Variants in CELSR3 observed in about 807,000 individuals in gnomAD.
CELSR3 encodes the protein EGF-like protein 1.
A neutral mutation model predicts 270.0 loss-of-function variants in CELSR3; 73 were observed. The observed-to-expected ratio is 0.27, with a 90% confidence interval of 0.22 to 0.33. The LOEUF (loss-of-function observed/expected upper bound fraction) is 0.33, where lower values mean the gene tolerates loss of function less well. Among genes scored for constraint, CELSR3 ranks in the 10% least tolerant of loss-of-function variants. CELSR3 has a pLI of 1.00. For missense variants in CELSR3, 3,614 were observed against 4,533.8 expected (o/e 0.80, Z 5.83); for synonymous variants, 1,780 against 1,905.4 (o/e 0.93, Z 1.71).
rs777825174 is a variant in CELSR3, at chr3:48,640,557, T to C, written c.9028A>G (p.Ile3010Val). ...LGRAQRQRKG[I>V]LKNRLQYPLV... ...GGGTATTGCAACCGGTTCTTCAGGA[T>C]GCCTGTGAGAGGAAGAAAATGGGGG... The change falls in exon 34 of 35, where the codon ATC becomes GTC. Residue 3010 changes from isoleucine to valine, a missense_variant and splice_region_variant. Physicochemically the swap from Ile to Val is conservative, Grantham distance 29. Coordinates refer to ENST00000164024, the MANE Select transcript of CELSR3 (RefSeq NM_001407.3). The surrounding 1 kb of genome is among the most constrained non-coding windows in gnomAD (Gnocchi z 7.5). The C allele has an allele frequency of 6.4e-7, 1 of 1,555,612 alleles. No individual in the cohort carries two copies. The highest frequency in any genetic ancestry group is 1.2e-5 in the South Asian group (1 of 86,016).
chr3:48,645,980 G>A lies in CELSR3; in HGVS notation c.7463+110C>T. ...GGAGTTGGGGTACAGCATTCCTCAT[G>A]GTCCGGGTTGCACAACAGCACTAGT... On this transcript the variant is annotated intron_variant, in intron 22 of 34. Coordinates refer to ENST00000164024, the MANE Select transcript of CELSR3 (RefSeq NM_001407.3). The surrounding 1 kb of genome is among the most constrained non-coding windows in gnomAD (Gnocchi z 5.4). 6.4e-7 allele frequency: 1 copy of A among 1,571,782 alleles called. No homozygotes were observed. Among genetic ancestry groups the A allele is most frequent in the Non-Finnish European group, 8.7e-7 (1 of 1,153,758 alleles).
rs1360671106 is a variant in CELSR3 at position 48,654,154 on chromosome 3, G to A, written c.5152+135C>T. 1.3e-6 allele frequency: 2 copies of A among 1,492,672 alleles called. No homozygotes were observed. Among genetic ancestry groups the A allele is most frequent in the African/African-American group, 2.8e-5 (2 of 71,468 alleles). The allele number at this position is 1,492,672 out of a possible 1,614,324, so 92.5% of individuals were successfully genotyped here. ...CGATGAGTGGGGTTGGTAAGAGTCAGGCCCTAAAATCTGGGCTGTAGCATG... is the reference window on the plus strand; with the variant it reads ...CGATGAGTGGGGTTGGTAAGAGTCAAGCCCTAAAATCTGGGCTGTAGCATG... On this transcript the variant is annotated intron_variant, in intron 7 of 34. Transcript: ENST00000164024. This position sits in a 1 kb window ranked among gnomAD's most constrained non-coding sequence, Gnocchi z 5.4.
At chr3:48,649,078 A>C (rs925255374) in intron 17 of CELSR3, 43 bp downstream of exon 17, 3 of 1,582,836 alleles carry the variant, frequency 1.9e-6, no homozygotes. Context: ...ACCACAGGCC[A>C]AGGAAGGTCT....
Position 48,651,353 on chromosome 3 carries a change from G to C in CELSR3, c.6186+6C>G. 6.2e-7 allele frequency: 1 copy of C among 1,613,950 alleles called. No individual in the cohort carries two copies. Among genetic ancestry groups the C allele is most frequent in the Non-Finnish European group, 8.5e-7 (1 of 1,179,906 alleles). On this transcript the variant is annotated splice_donor_region_variant and intron_variant, in intron 14 of 34. Transcript: ENST00000164024. The surrounding 1 kb of genome is among the most constrained non-coding windows in gnomAD (Gnocchi z 7.4). ...GAAGGGTTAAAAGGTCAGGGGCCAG[G>C]CGCACCTTGCAGTGACACTGCCCAT... is the stretch of plus-strand genomic sequence containing the variant.
chr3:48,656,397 C>T, intron 2 of CELSR3, 32 bp from the exon 3 acceptor site: 2 of 1,388,300 alleles, frequency 1.4e-6, no homozygotes, highest in East Asian at 2.9e-5. Flanking sequence ...GAGGCGGTCA[C>T]GCCCACGCCC....
At position 48,643,688 on chromosome 3, in the gene CELSR3, G is replaced by A; in HGVS notation, c.8166-11C>T. 1.3e-6 allele frequency: 2 copies of A among 1,551,940 alleles called. No individual in the cohort carries two copies. The highest frequency in any genetic ancestry group is 1.7e-6 in the Non-Finnish European group (2 of 1,147,480). On this transcript the variant is annotated splice_polypyrimidine_tract_variant and intron_variant, in intron 27 of 34. Coordinates refer to ENST00000164024, the MANE Select transcript of CELSR3 (RefSeq NM_001407.3). Reference sequence around the variant, plus strand: ...GAGCTGCGAAGGGTCCTGCTGTGGGGACATGGGAAGACACAGGAGGACATG... The same window carrying A: ...GAGCTGCGAAGGGTCCTGCTGTGGGAACATGGGAAGACACAGGAGGACATG...
intron 3 of CELSR3, 138 bp downstream of exon 3, chr3:48,656,002 G>T: frequency 8.7e-7 from 1 of 1,142,974 alleles, no homozygotes; most frequent in South Asian, 1.4e-5. Flanking sequence ...GGTGCAGCGA[G>T]GTCAGGAGAC....
Position 48,648,912 on chromosome 3 carries a change from A to T in CELSR3, c.6584T>A (p.Leu2195Gln), listed in dbSNP as rs768548996. ...CATGGTATCCAGTGCCGTCTTGTTC[A>T]GCTCTAGGCCATCCAGCTGCCAAGA... is the stretch of plus-strand genomic sequence containing the variant. ...ELSLLLDGLE[L>Q]NKTALDTMEA... Residue 2195 changes from leucine to glutamine, a missense_variant, in exon 18 of 35, where the codon CTG becomes CAG. This residue lies in a region of CELSR3 where 1,331 missense variants were observed against 1,933.7 expected (regional missense o/e 0.69). Transcript: ENST00000164024. 17 of 1,612,676 alleles carry T rather than the reference A, an allele frequency of 1.1e-5. No individual in the cohort carries two copies. Among genetic ancestry groups the T allele is most frequent in the African/African-American group, 1.3e-5 (1 of 74,914 alleles).
rs200527549 is a variant in CELSR3 at position 48,659,601 on chromosome 3, T to C, written c.3034A>G (p.Ile1012Val). 3.0e-4 allele frequency: 492 copies of C among 1,614,060 alleles called. No homozygotes were observed. Among genetic ancestry groups the C allele is most frequent in the Non-Finnish European group, 4.1e-4 (478 of 1,180,040 alleles). The change falls in exon 1 of 35, where the codon ATT (isoleucine) becomes GTT (valine). Residue 1012 changes from isoleucine (I) to valine (V), a missense_variant. Transcript: ENST00000164024. This position sits in a 1 kb window ranked among gnomAD's most constrained non-coding sequence, Gnocchi z 8.1. ...CGGACAATTCCAGAGGTGGGCTCAA[T>C]GGTAAAATCTCCATCCCCATCTTCA... ...NGEDGDGDFTIEPTSGIVRTV... is the reference protein window; with the variant it reads ...NGEDGDGDFTVEPTSGIVRTV...
Position 48,644,432 on chromosome 3 carries a change from C to T in CELSR3, c.8086-137G>A, listed in dbSNP as rs1253672489. 1 of 766,908 alleles carries T rather than the reference C, an allele frequency of 1.3e-6. No individual in the cohort carries two copies. Among genetic ancestry groups the T allele is most frequent in the Non-Finnish European group, 2.2e-6 (1 of 458,728 alleles). 47.5% of individuals were successfully genotyped at this position (766,908 alleles called of 1,614,324 possible). A position where few individuals can be genotyped will look rare whatever the true frequency, so the allele number is the denominator to read the frequency against. On this transcript the variant is annotated intron_variant, in intron 26 of 34. Coordinates refer to ENST00000164024, the MANE Select transcript of CELSR3 (RefSeq NM_001407.3). This position sits in a 1 kb window ranked among gnomAD's most constrained non-coding sequence, Gnocchi z 4.8. ...AGAAATTCACACATATACACACACA[C>T]CAAAGGAGCTTAGCATCACAGAAAA...
In CELSR3 at chr3:48,655,446, C is replaced by A. The variant is rs1461026441; in HGVS notation, c.4742-52G>T. 1.3e-6 allele frequency: 2 copies of A among 1,577,514 alleles called. No individual in the cohort carries two copies. The highest frequency in any genetic ancestry group is 1.7e-6 in the Non-Finnish European group (2 of 1,147,784). On this transcript the variant is annotated intron_variant, in intron 4 of 34. Coordinates refer to ENST00000164024, the MANE Select transcript of CELSR3 (RefSeq NM_001407.3). This position sits in a 1 kb window ranked among gnomAD's most constrained non-coding sequence, Gnocchi z 5.8. The stretch of plus-strand genomic sequence containing the variant: ...TCAGGAGCAGCGGAGTCGCCCCATC[C>A]CACCCGTCATATAAGCACAACCATT...
At position 48,646,242 on chromosome 3, in the gene CELSR3, G is replaced by A. The variant is rs769448222; in HGVS notation, c.7311C>T (p.Pro2437=). The A allele has an allele frequency of 1.6e-5, 25 of 1,611,180 alleles. No homozygotes were observed. The highest frequency in any genetic ancestry group is 4.5e-5 in the East Asian group (2 of 44,848). ...ERRGARLPQN[P]VMNSPVVSVA... Reference sequence around the variant, plus strand: ...CGCTGACCACCGGGGAGTTCATGACGGGGTTCTGAGGAAGCCTGGGGAGAC... The same window carrying A: ...CGCTGACCACCGGGGAGTTCATGACAGGGTTCTGAGGAAGCCTGGGGAGAC... Residue 2437 remains proline (P), a synonymous_variant, in exon 22 of 35, where the codon CCC becomes CCT. Transcript: ENST00000164024. The surrounding 1 kb of genome is among the most constrained non-coding windows in gnomAD (Gnocchi z 4.8).
At chr3:48,638,709 A>G (rs1461299287) in intron 34 of CELSR3, among the ~76,000 whole-genome samples, 1 of 148,046 alleles carries the variant, frequency 6.8e-6, no homozygotes, top group East Asian at 1.9e-4. Flanking sequence ...AAACAGCCAG[A>G]CCCCAAAGCT....
At position 48,654,930 on chromosome 3, in the gene CELSR3, G is replaced by A. The variant is rs1230044175; in HGVS notation, c.4988+114C>T. The A allele has an allele frequency of 9.9e-6, 11 of 1,105,590 alleles. No individual in the cohort carries two copies. The highest frequency in any genetic ancestry group is 2.4e-5 in the East Asian group (1 of 42,050). The allele number at this position is 1,105,590 out of a possible 1,614,324, so 68.5% of individuals were successfully genotyped here. A position where few individuals can be genotyped will look rare whatever the true frequency, so the allele number is the denominator to read the frequency against. ...TTTGAGAGGAGAGGGGAATCTTGGT[G>A]GTTTGGGGGAAAGATGGGAGAGTTT... On this transcript the variant is annotated intron_variant, in intron 6 of 34. Coordinates refer to ENST00000164024, the MANE Select transcript of CELSR3 (RefSeq NM_001407.3). The surrounding 1 kb of genome is among the most constrained non-coding windows in gnomAD (Gnocchi z 5.4).
Position 48,644,790 on chromosome 3 carries a change from G to T in CELSR3, c.8011C>A (p.Pro2671Thr). The change falls in exon 26 of 35, where the codon CCT (proline) becomes ACT (threonine). Residue 2671 changes from proline (P) to threonine (T), a missense_variant. Transcript: ENST00000164024. The surrounding 1 kb of genome is among the most constrained non-coding windows in gnomAD (Gnocchi z 4.8). ...VGLDPEGYGN[P>T]DFCWISVHEP... ...TGGACTGAGATCCAGCAGAAGTCAG[G>T]GTTCCCATAGCCCTCAGGGTCCAGG... is the stretch of plus-strand genomic sequence containing the variant. 2.5e-6 allele frequency: 4 copies of T among 1,613,476 alleles called. No individual in the cohort carries two copies. Among genetic ancestry groups the T allele is most frequent in the African/African-American group, 1.3e-5 (1 of 75,034 alleles).
chr3:48,648,248 A>ACCCCACC lies in CELSR3; in HGVS notation c.6973+11_6973+17dup. On this transcript the variant is annotated intron_variant, in intron 19 of 34. Transcript: ENST00000164024. Reference sequence around the variant, plus strand: ...TGGCCCCCCTGCTGTGCCCCGCCCTACCCCACCCACAACGCACTGATATTA... The same window carrying ACCCCACC: ...TGGCCCCCCTGCTGTGCCCCGCCCTACCCCACCCCCCACCCACAACGCACTGATATTA... 4.1e-6 allele frequency: 4 copies of ACCCCACC among 975,232 alleles called. No individual in the cohort carries two copies. The highest frequency in any genetic ancestry group is 3.1e-5 in the East Asian group (1 of 32,628). The allele number at this position is 975,232 out of a possible 1,614,324, so 60.4% of individuals were successfully genotyped here. A position where few individuals can be genotyped will look rare whatever the true frequency, so the allele number is the denominator to read the frequency against.
At position 48,638,234 on chromosome 3, in the gene CELSR3, T is replaced by C. The variant is rs2046990421; in HGVS notation, c.9912-2A>G. The C allele has an allele frequency of 6.2e-7, 1 of 1,612,298 alleles. No homozygotes were observed. The highest frequency in any genetic ancestry group is 1.3e-5 in the African/African-American group (1 of 74,988). ...GAGTGACCCTCACTTCTGGGAACTC[T>C]GGAGGCACATGAGGAAATCAGAGGT... On this transcript the variant is annotated splice_acceptor_variant, in intron 34 of 34. Coordinates refer to ENST00000164024, the MANE Select transcript of CELSR3 (RefSeq NM_001407.3). LOFTEE classifies it high-confidence loss of function.
chr3:48,640,613 C>T lies in CELSR3; in HGVS notation c.9026-54G>A. On this transcript the variant is annotated intron_variant, in intron 33 of 34. Coordinates refer to ENST00000164024, the MANE Select transcript of CELSR3 (RefSeq NM_001407.3). The surrounding 1 kb of genome is among the most constrained non-coding windows in gnomAD (Gnocchi z 7.5). ...GTTTGTGTGGGAGGGGGAGGGCAGG[C>T]AGGAATTGCTGAGTCTAGGGGTGTG... The T allele has an allele frequency of 6.8e-7, 1 of 1,480,040 alleles. No homozygotes were observed. The highest frequency in any genetic ancestry group is 9.0e-7 in the Non-Finnish European group (1 of 1,108,130). The allele number at this position is 1,480,040 out of a possible 1,614,324, so 91.7% of individuals were successfully genotyped here.
Position 48,645,092 on chromosome 3 carries a change from G to A in CELSR3, c.7915C>T (p.Arg2639Cys), listed in dbSNP as rs145413655. ...RMQVEPRNVD[R>C]GAMRFYHALG... Reference sequence around the variant, plus strand: ...GCATGGTAGAAGCGCATGGCGCCGCGGTCCACGTTGCGTGGCTCAACCTGC... The same window carrying A: ...GCATGGTAGAAGCGCATGGCGCCGCAGTCCACGTTGCGTGGCTCAACCTGC... Residue 2639 changes from arginine to cysteine, a missense_variant, in exon 25 of 35, where the codon CGC becomes TGC. This residue lies in a region of CELSR3 where 1,240 missense variants were observed against 1,351.7 expected (regional missense o/e 0.92). Transcript: ENST00000164024. This position sits in a 1 kb window ranked among gnomAD's most constrained non-coding sequence, Gnocchi z 5.4. 878 of 1,604,136 alleles carry A rather than the reference G, an allele frequency of 5.5e-4. No homozygotes were observed. Among genetic ancestry groups the A allele is most frequent in the Non-Finnish European group, 7.0e-4 (819 of 1,172,944 alleles).
Sources: gnomAD v4.1 joint callset for allele counts (sites outside exome capture counted in the v4.1 genomes callset) on GRCh38, gnomAD v4.1.1 for gene constraint, gnomAD v4.1.1 regional missense constraint, Gnocchi (gnomAD v3.1) non-coding constraint, MANE v1.5 for transcripts, NCBI Gene and HGNC (gene_info 2026-07-23, HGNC 2026-07-21) for gene names.